The following ACACB variants were observed in gnomAD, a reference collection of about 807,000 sequenced individuals.
The protein encoded by ACACB is acetyl-CoA carboxylase 2.
A neutral mutation model predicts 278.8 loss-of-function variants in ACACB; 209 were observed. The observed-to-expected ratio is 0.75, with a 90% CI of 0.67 to 0.84. ACACB has a LOEUF of 0.84. Ranked by LOEUF, ACACB falls within the 40% of genes least tolerant of loss-of-function variation. The pLI is 0.00. For synonymous variants in ACACB, 1,174 were observed against 1,285.6 expected, an observed-to-expected ratio of 0.91 and a Z score of 1.86; for missense variants, 2,850 against 3,269.0, an observed-to-expected ratio of 0.87 and a Z score of 3.13.
At chr12:109,265,055 C>G in intron 50 of ACACB, 55 bp from the exon 51 acceptor site, 1 of 1,555,802 alleles carries the variant, frequency 6.4e-7, no homozygotes, top group Non-Finnish European at 8.7e-7. Flanking sequence ...TGGTCAGAGC[C>G]AGTGTCCCGT....
chr12:109,238,141 G>A (rs1156974491), intron 34 of ACACB, among the ~76,000 whole-genome samples: 1 of 151,186 alleles, frequency 6.6e-6, no homozygotes, highest in Admixed American at 6.6e-5. Flanking sequence ...TGAGGGGCCA[G>A]CTTAGTTGTT....
rs2045666747 is a variant in ACACB at position 109,210,003 on chromosome 12, ATGTGT to A, written c.3249+651_3249+655del. ...CACACGTGTGTGTATATATGTGTAT[ATGTGT>A]ATATATACACACGTGTGTATATATG... On this transcript the variant is annotated intron_variant, in intron 21 of 52. Coordinates refer to ENST00000338432, the MANE Select transcript of ACACB (RefSeq NM_001093.4). 1.9e-5 allele frequency among the ~76,000 whole-genome samples: 2 copies of A among 104,244 alleles called. 1 individual carries two copies. The allele number at this position is 104,244 out of a possible 152,430, so 68.4% of individuals were successfully genotyped here. A position where few individuals can be genotyped will look rare whatever the true frequency, so the allele number is the denominator to read the frequency against.
chr12:109,209,781 GTGTATC>G (rs1289906160), intron 21 of ACACB, among the ~76,000 whole-genome samples: 3 of 149,000 alleles, frequency 2.0e-5, no homozygotes, highest in Non-Finnish European at 4.5e-5. Context: ...GTGTGTGTGT[GTGTATC>G]TGTGTGTATA....
chr12:109,243,652 T>A (rs1480805701), intron 37 of ACACB, among the ~76,000 whole-genome samples: 1 of 152,068 alleles, frequency 6.6e-6, no homozygotes, highest in Non-Finnish European at 1.5e-5. Context: ...TTCTGATGAT[T>A]AAAGTATACA....
intron 2 of ACACB, among the ~76,000 whole-genome samples, chr12:109,159,131 T>A (rs1365080116): frequency 6.6e-6 from 1 of 152,204 alleles, no homozygotes; most frequent in African/African-American, 2.4e-5. Flanking sequence ...CAGGGGGTAC[T>A]GATGGGGCAG....
At chr12:109,236,464 T>C (rs1466228999) in intron 33 of ACACB, 1 of 152,390 alleles carries the variant, frequency 6.6e-6, no homozygotes, top group African/African-American at 2.4e-5. Context: ...AATAAAGTTT[T>C]ATTGGAACAC....
At chr12:109,186,051 C>T (rs920489206) in intron 12 of ACACB, among the ~76,000 whole-genome samples, 5 of 152,208 alleles carry the variant, frequency 3.3e-5, no homozygotes, top group Non-Finnish European at 5.9e-5. Flanking sequence ...CTGCCTCAGT[C>T]TCCCAAGTAG....
At chr12:109,235,577 T>C (rs1247996084) in intron 32 of ACACB, 29 bp from the exon 33 acceptor site, 2 of 1,603,794 alleles carry the variant, frequency 1.2e-6, no homozygotes, top group Admixed American at 3.3e-5. Context: ...CTTGATTTAA[T>C]TGTCTTGTGT....
At chr12:109,175,590 AT>A (rs1224666705) in intron 7 of ACACB, among the ~76,000 whole-genome samples, 3 of 151,774 alleles carry the variant, frequency 2.0e-5, no homozygotes, top group East Asian at 1.9e-4. Flanking sequence ...TAATTATAAA[AT>A]TTTTTTTGTA....
At position 109,198,963 on chromosome 12, in the gene ACACB, G is replaced by A. The variant is rs867252287; in HGVS notation, c.2628-439G>A. Among the ~76,000 whole-genome samples, 5 of 152,018 alleles carry A rather than the reference G, an allele frequency of 3.3e-5. No homozygotes were observed. In the East Asian group the frequency reaches 5.8e-4, roughly 18 times the overall value. ...AGCACTTTGGGAGGCTGAGGCGGGC[G>A]GATCATGAGGTCAGGAGATCGAGAC... On this transcript the variant is annotated intron_variant, in intron 17 of 52. Coordinates refer to ENST00000338432, the MANE Select transcript of ACACB (RefSeq NM_001093.4).
intron 7 of ACACB, among the ~76,000 whole-genome samples, chr12:109,175,331 A>T (rs543922097): frequency 6.6e-6 from 1 of 152,124 alleles, no homozygotes; most frequent in South Asian, 2.1e-4. Context: ...CATATAAATG[A>T]CTCCATAAGG....
rs777571000 is a variant in ACACB, at chr12:109,233,792, A to G, written c.4184A>G (p.Asp1395Gly). The change falls in exon 30 of 53, where the codon GAC becomes GGC. Residue 1395 changes from aspartate (D) to glycine (G), a missense_variant. Transcript: ENST00000338432. Reference sequence around the variant, plus strand: ...TCTTGCTTCGCCAACGTGCCCAAAGACACCCCCCTCTTCAGCGAGGCCCGC... The same window carrying G: ...TCTTGCTTCGCCAACGTGCCCAAAGGCACCCCCCTCTTCAGCGAGGCCCGC... ...VISCFANVPK[D>G]TPLFSEARTS... The G allele has an allele frequency of 1.2e-6, 2 of 1,614,058 alleles. No individual in the cohort carries two copies. Among genetic ancestry groups the G allele is most frequent in the Non-Finnish European group, 8.5e-7 (1 of 1,180,014 alleles).
intron 28 of ACACB, among the ~76,000 whole-genome samples, chr12:109,229,867 C>T (rs1446267406): frequency 6.6e-6 from 1 of 152,216 alleles, no homozygotes; most frequent in African/African-American, 2.4e-5. Flanking sequence ...TCCTCACTCA[C>T]AGTCTTTTTT....
intron 41 of ACACB, 80 bp downstream of exon 41, chr12:109,250,184 C>A: frequency 1.4e-6 from 2 of 1,410,672 alleles, no homozygotes; most frequent in South Asian, 1.5e-5. Flanking sequence ...TAGAGAGAAT[C>A]AATAATAAGC....
In ACACB at chr12:109,139,389, C is replaced by T; in HGVS notation, c.-9-8C>T. 6.2e-7 allele frequency: 1 copy of T among 1,602,030 alleles called. No individual in the cohort carries two copies. On this transcript the variant is annotated splice_polypyrimidine_tract_variant and splice_region_variant and intron_variant, in intron 1 of 52. Transcript: ENST00000338432. ...AATCCTAAAATGTCTCTCCTTTTCT[C>T]CTTACAGATTTTCTGAATGGTCTTG...
At chr12:109,203,439 C>T (rs1294327771) in intron 19 of ACACB, among the ~76,000 whole-genome samples, 1 of 152,210 alleles carries the variant, frequency 6.6e-6, no homozygotes, top group African/African-American at 2.4e-5. Flanking sequence ...TCACCTCCAC[C>T]CACGTGCAAA....
At chr12:109,192,064 T>G in intron 15 of ACACB, 114 bp downstream of exon 15, 1 of 1,055,592 alleles carries the variant, frequency 9.5e-7, no homozygotes, top group Non-Finnish European at 1.4e-6. Flanking sequence ...TTGGTGAGTC[T>G]CTCCTCCGGT....
chr12:109,193,445 T>C (rs572716937), intron 15 of ACACB, among the ~76,000 whole-genome samples: 2 of 152,200 alleles, frequency 1.3e-5, no homozygotes, highest in Non-Finnish European at 2.9e-5. Flanking sequence ...CTCGAACTCT[T>C]GGCCTCAAGT....
In ACACB at chr12:109,222,622, T is replaced by C; in HGVS notation, c.3678+2T>C. ...AAAGTGGCCCTCAGAGCCCGGCAGG[T>C]AGGGTCTCAGGGTGCGGTCCCCACG... On this transcript the variant is annotated splice_donor_variant, in intron 25 of 52. Coordinates refer to ENST00000338432, the MANE Select transcript of ACACB (RefSeq NM_001093.4). LOFTEE classifies it high-confidence loss of function. 1.2e-6 allele frequency: 2 copies of C among 1,613,434 alleles called. No individual in the cohort carries two copies. Among genetic ancestry groups the C allele is most frequent in the East Asian group, 2.2e-5 (1 of 44,858 alleles).
Sources: gnomAD v4.1 joint callset for allele counts (sites outside exome capture counted in the v4.1 genomes callset) on GRCh38, gnomAD v4.1.1 for gene constraint, MANE v1.5 for transcripts, NCBI Gene and HGNC (gene_info 2026-07-23, HGNC 2026-07-21) for gene names.